Variants in SLC8A1 observed in about 807,000 individuals in gnomAD.
The protein encoded by SLC8A1 is solute carrier family 8 member A1.
Under a neutral mutation model 68.3 loss-of-function variants are expected in SLC8A1, and 18 were observed. That is an observed-to-expected ratio of 0.26 (90% CI 0.18 to 0.39). SLC8A1 has a LOEUF of 0.39. Ranked by LOEUF, SLC8A1 falls within the 10% of genes least tolerant of loss-of-function variation. SLC8A1 has a pLI of 1.00. For missense variants in SLC8A1, 985 were observed against 1,156.7 expected, an observed-to-expected ratio of 0.85 and a Z score of 2.15; for synonymous variants, 475 against 415.5, an observed-to-expected ratio of 1.14 and a Z score of -1.74.
At chr2:40,302,075 T>TGTG (rs2071585000) in intron 2 of SLC8A1, among the ~76,000 whole-genome samples, 2 of 49,958 alleles carry the variant, frequency 4.0e-5, no homozygotes, top group African/African-American at 7.4e-5. Flanking sequence ...GTGTGTGTGT[T>TGTG]TAGTAGAGAA....
chr2:40,273,606 T>C (rs924526816), intron 2 of SLC8A1, among the ~76,000 whole-genome samples: 2 of 152,210 alleles, frequency 1.3e-5, no homozygotes, highest in African/African-American at 2.4e-5. Context: ...TTAGATGCTA[T>C]TTATTAGGTA....
upstream of SLC8A1, among the ~76,000 whole-genome samples, chr2:40,454,853 C>A (rs767764956): frequency 6.6e-6 from 1 of 152,198 alleles, no homozygotes; most frequent in Non-Finnish European, 1.5e-5. Context: ...AGGCACAAGG[C>A]TGAGGAAGAC....
intron 2 of SLC8A1, among the ~76,000 whole-genome samples, chr2:40,302,396 T>C (rs1202504746): frequency 4.7e-5 from 7 of 150,320 alleles, no homozygotes; most frequent in Non-Finnish European, 8.9e-5. Context: ...TTGCTGCAAA[T>C]GCCATTAATT....
intron 2 of SLC8A1, among the ~76,000 whole-genome samples, chr2:40,312,450 C>G (rs1473318514): frequency 1.3e-5 from 2 of 152,090 alleles, no homozygotes; most frequent in Admixed American, 1.3e-4. Context: ...ACATTTTAAT[C>G]AAATTCTGCT....
At chr2:40,315,519 G>C (rs1461679235) in intron 2 of SLC8A1, among the ~76,000 whole-genome samples, 1 of 150,652 alleles carries the variant, frequency 6.6e-6, no homozygotes, top group Non-Finnish European at 1.5e-5. Context: ...CATCCAACTG[G>C]GTTAGTATTG....
chr2:40,331,853 A>G (rs2076447171), intron 2 of SLC8A1, among the ~76,000 whole-genome samples: 1 of 152,094 alleles, frequency 6.6e-6, no homozygotes, highest in African/African-American at 2.4e-5. Context: ...TTGGCCTCCC[A>G]AAGTGCTGGG....
At chr2:40,443,173 A>C (rs1375942187) in intron 1 of SLC8A1, among the ~76,000 whole-genome samples, 1 of 152,146 alleles carries the variant, frequency 6.6e-6, no homozygotes, top group Non-Finnish European at 1.5e-5. Context: ...TAAAACCTAG[A>C]TGACAGGTTG....
At chr2:40,184,438 T>TC in intron 2 of SLC8A1, among the ~76,000 whole-genome samples, 1 of 152,238 alleles carries the variant, frequency 6.6e-6, no homozygotes, top group South Asian at 2.1e-4. Context: ...AAAGTTGTTT[T>TC]CCCCTCTCAA....
At chr2:40,401,286 C>T (rs993351480) in intron 2 of SLC8A1, among the ~76,000 whole-genome samples, 1 of 152,204 alleles carries the variant, frequency 6.6e-6, no homozygotes, top group African/African-American at 2.4e-5. Context: ...TCTTCAAACA[C>T]GCTACAAGTT....
At chr2:40,176,818 G>A (rs1005867047) in intron 3 of SLC8A1, among the ~76,000 whole-genome samples, 1 of 152,074 alleles carries the variant, frequency 6.6e-6, no homozygotes, top group Non-Finnish European at 1.5e-5. Context: ...ACTAATAAGA[G>A]CTATTAATAT....
intron 2 of SLC8A1, among the ~76,000 whole-genome samples, chr2:40,357,606 G>A (rs1409737844): frequency 1.3e-5 from 2 of 151,870 alleles, no homozygotes; most frequent in African/African-American, 4.8e-5. Flanking sequence ...GTTGAAGGGA[G>A]CAGTAAACCA....
At chr2:40,180,162 AATGT>A (rs2049207559) in intron 2 of SLC8A1, among the ~76,000 whole-genome samples, 1 of 152,174 alleles carries the variant, frequency 6.6e-6, no homozygotes, top group Non-Finnish European at 1.5e-5. Context: ...ACAGTATGAT[AATGT>A]CCAGTTACAT....
chr2:40,274,013 C>T (rs75823662), intron 2 of SLC8A1, among the ~76,000 whole-genome samples: 230 of 151,886 alleles, frequency 1.5e-3, no homozygotes, highest in African/African-American at 5.4e-3. Context: ...CCTCTCTCCA[C>T]AGCCCCAGCT....
chr2:40,302,050 T>TGTGC (rs2071569196), intron 2 of SLC8A1, among the ~76,000 whole-genome samples: 3 of 150,838 alleles, frequency 2.0e-5, no homozygotes, highest in Non-Finnish European at 4.4e-5. Flanking sequence ...TGTGTGTGTG[T>TGTGC]GTGTGTGTGT....
chr2:40,481,320 T>C (rs1028501998), intron 1 of SLC8A1, among the ~76,000 whole-genome samples: 1 of 152,238 alleles, frequency 6.6e-6, no homozygotes, highest in Non-Finnish European at 1.5e-5. Context: ...CCATATTTAT[T>C]TGAAAGCAGC....
chr2:40,333,781 AG>A (rs1356197607), intron 2 of SLC8A1, among the ~76,000 whole-genome samples: 1 of 151,830 alleles, frequency 6.6e-6, no homozygotes, highest in East Asian at 1.9e-4. Flanking sequence ...TGGGCGCAGT[AG>A]CTCACGCCAG....
chr2:40,204,822 C>G lies in SLC8A1; in HGVS notation c.1809-26967G>C, dbSNP rs11898006. Reference sequence around the variant, plus strand: ...AGATTTTTATATTCTTTTTTTCATACTAAATCTTTGAAATCTGGTATTTAT... The same window carrying G: ...AGATTTTTATATTCTTTTTTTCATAGTAAATCTTTGAAATCTGGTATTTAT... On this transcript the variant is annotated intron_variant, in intron 2 of 7. Transcript: ENST00000406785. Among the ~76,000 whole-genome samples, 1,450 of 151,740 alleles carry G rather than the reference C, an allele frequency of 9.6e-3. 16 individuals carry two copies. The highest frequency in any genetic ancestry group is 0.033 in the African/African-American group (1,382 of 41,390).
intron 2 of SLC8A1, among the ~76,000 whole-genome samples, chr2:40,389,695 A>G (rs1684680509): frequency 6.6e-6 from 1 of 151,672 alleles, no homozygotes. Context: ...TCCAATTCCC[A>G]TGTCAGTTGT....
chr2:40,353,672 A>G (rs754535909), intron 2 of SLC8A1, among the ~76,000 whole-genome samples: 1 of 152,216 alleles, frequency 6.6e-6, no homozygotes. Context: ...TAATCCACAG[A>G]TGCCCCCTTC....
Sources: gnomAD v4.1 joint callset for allele counts (sites outside exome capture counted in the v4.1 genomes callset) on GRCh38, gnomAD v4.1.1 for gene constraint, MANE v1.5 for transcripts, NCBI Gene and HGNC (gene_info 2026-07-23, HGNC 2026-07-21) for gene names.